ADAMTS17: variants seen among roughly 807,000 people sequenced by gnomAD.
The protein encoded by ADAMTS17 is ADAM metallopeptidase with thrombospondin type 1 motif 17, also known as A disintegrin and metalloproteinase with thrombospondin motifs 17.
Under a neutral mutation model 141.5 loss-of-function variants are expected in ADAMTS17, and 113 were observed. The observed-to-expected ratio is 0.80, with a 90% CI of 0.69 to 0.93. ADAMTS17 has a LOEUF of 0.93. Ranked by LOEUF, ADAMTS17 falls within the 40% of genes least tolerant of loss-of-function variation. The pLI is 0.00. For missense variants in ADAMTS17, 1,659 were observed against 1,517.9 expected (o/e 1.09, Z -1.54); for synonymous variants, 768 against 630.6 (o/e 1.22, Z -3.27).
At chr15:100,285,448 G>T (rs1399070136) in intron 3 of ADAMTS17, among the ~76,000 whole-genome samples, 1 of 152,160 alleles carries the variant, frequency 6.6e-6, no homozygotes, top group Non-Finnish European at 1.5e-5. Flanking sequence ...GTTTAGAAAG[G>T]ATACAGTATC....
intron 3 of ADAMTS17, among the ~76,000 whole-genome samples, chr15:100,322,459 C>G (rs1484286565): frequency 1.3e-5 from 2 of 152,260 alleles, no homozygotes; most frequent in East Asian, 3.9e-4. Flanking sequence ...AAATTAATTG[C>G]CAGCTAAAAT....
intron 12 of ADAMTS17, among the ~76,000 whole-genome samples, chr15:100,121,466 T>C: frequency 6.6e-6 from 1 of 152,072 alleles, no homozygotes; most frequent in Admixed American, 6.5e-5. Context: ...ACATATCCCA[T>C]ACAAGGGATC....
chr15:100,155,091 CCACTT>C (rs2039368964), intron 9 of ADAMTS17, 84 bp downstream of exon 9: 3 of 1,592,858 alleles, frequency 1.9e-6, no homozygotes, highest in South Asian at 2.2e-5. Context: ...AGTCATTTCT[CCACTT>C]CACACTTGCT....
rs1436532905 is a variant in ADAMTS17, at chr15:100,206,677, A to G, written c.1076-7254T>C. Among the ~76,000 whole-genome samples the G allele has an allele frequency of 2.6e-5, 4 of 152,278 alleles. No individual in the cohort carries two copies. In the East Asian group the frequency reaches 5.8e-4, roughly 22 times the overall value. The stretch of plus-strand genomic sequence containing the variant: ...AGAAGAAGTGTGGTATGTTTTGGCT[A>G]AAAATAATCTCCTCCATGTGGGGAA... On this transcript the variant is annotated intron_variant, in intron 7 of 21. Coordinates refer to ENST00000268070, the MANE Select transcript of ADAMTS17 (RefSeq NM_139057.4).
intron 8 of ADAMTS17, among the ~76,000 whole-genome samples, chr15:100,163,076 A>T (rs144419840): frequency 6.0e-5 from 9 of 150,092 alleles, no homozygotes; most frequent in Non-Finnish European, 1.2e-4. Context: ...GTGTATACAT[A>T]TAACTATATA....
intron 18 of ADAMTS17, among the ~76,000 whole-genome samples, chr15:100,022,298 G>A (rs1384865465): frequency 1.3e-5 from 2 of 152,142 alleles, no homozygotes; most frequent in Non-Finnish European, 2.9e-5. Context: ...CTTAGCCACA[G>A]CCCCCACCTC....
At chr15:100,106,022 G>A (rs556191058) in intron 14 of ADAMTS17, among the ~76,000 whole-genome samples, 28 of 151,476 alleles carry the variant, frequency 1.8e-4, no homozygotes, top group African/African-American at 6.8e-4. Flanking sequence ...TTCAAGACAT[G>A]GTCTCACTCT....
At chr15:100,216,710 A>C (rs2041979061) in intron 7 of ADAMTS17, among the ~76,000 whole-genome samples, 1 of 152,198 alleles carries the variant, frequency 6.6e-6, no homozygotes, top group Non-Finnish European at 1.5e-5. Flanking sequence ...CTTTATCCAG[A>C]GGCCTATGGC....
rs537713887 is a variant in ADAMTS17, at chr15:99,989,923, G to T, written c.2949+3125C>A. On this transcript the variant is annotated intron_variant, in intron 20 of 21. Transcript: ENST00000268070. ...ACCTCTAAGCATCTCTGAGAAACAGGCAGGGTCAGTGTTTATGATTCCCAT... is the reference window on the plus strand; with the variant it reads ...ACCTCTAAGCATCTCTGAGAAACAGTCAGGGTCAGTGTTTATGATTCCCAT... Among the ~76,000 whole-genome samples the T allele has an allele frequency of 5.3e-5, 8 of 152,328 alleles. No individual in the cohort carries two copies. In the East Asian group the frequency reaches 1.4e-3, roughly 26 times the overall value.
chr15:100,066,279 T>C (rs2033519254), intron 15 of ADAMTS17, among the ~76,000 whole-genome samples: 2 of 151,294 alleles, frequency 1.3e-5, no homozygotes, highest in African/African-American at 4.9e-5. Context: ...GTGCATCTAC[T>C]GAAATCATCA....
chr15:100,109,085 G>A lies in ADAMTS17; in HGVS notation c.1920C>T (p.Leu640=), dbSNP rs774685890. The A allele has an allele frequency of 2.4e-5, 38 of 1,613,434 alleles. No homozygotes were observed. In the Admixed American group the frequency reaches 2.8e-4, roughly 12 times the overall value. ...CCACCAGCAGTGGGGACTCCTTCCC[G>A]AGGGGCGAGCAGTAGAGTTCACATG... ...DKPCELYCSP[L]GKESPLLVAD... Residue 640 remains leucine (L), a synonymous_variant, in exon 14 of 22, where the codon CTC becomes CTT. Transcript: ENST00000268070.
chr15:100,200,705 G>T (rs1192073696), intron 7 of ADAMTS17, among the ~76,000 whole-genome samples: 2 of 152,180 alleles, frequency 1.3e-5, no homozygotes, highest in African/African-American at 2.4e-5. Flanking sequence ...AGCGCCATGG[G>T]GCGGATGACG....
chr15:100,202,307 ATTTTT>A (rs960478771), intron 7 of ADAMTS17, among the ~76,000 whole-genome samples: 5 of 151,894 alleles, frequency 3.3e-5, no homozygotes, highest in African/African-American at 1.2e-4. Flanking sequence ...GGTGCAGATG[ATTTTT>A]TTTTAACTAG....
At chr15:100,065,106 T>C (rs2141679796) in intron 15 of ADAMTS17, among the ~76,000 whole-genome samples, 1 of 152,308 alleles carries the variant, frequency 6.6e-6, no homozygotes, top group Non-Finnish European at 1.5e-5. Context: ...ATAAAAATAG[T>C]ATACAAAAGT....
At chr15:100,080,443 C>T (rs2034657409) in intron 15 of ADAMTS17, among the ~76,000 whole-genome samples, 1 of 152,144 alleles carries the variant, frequency 6.6e-6, no homozygotes, top group Admixed American at 6.5e-5. Flanking sequence ...CTCTTAGTAT[C>T]ACCATGCCCT....
chr15:100,273,537 G>A (rs556329630), intron 4 of ADAMTS17, among the ~76,000 whole-genome samples: 2 of 152,164 alleles, frequency 1.3e-5, no homozygotes, highest in Admixed American at 6.5e-5. Flanking sequence ...AGAATGGGTC[G>A]TAATGTCCCT....
chr15:100,243,894 A>G lies in ADAMTS17; in HGVS notation c.1075+10242T>C, dbSNP rs537108852. ...ATTAGTCATCCGCTTTAACCCTCACAACAACCCTAGATACTATTATCCCCA... is the reference window on the plus strand; with the variant it reads ...ATTAGTCATCCGCTTTAACCCTCACGACAACCCTAGATACTATTATCCCCA... On this transcript the variant is annotated intron_variant, in intron 7 of 21. Coordinates refer to ENST00000268070, the MANE Select transcript of ADAMTS17 (RefSeq NM_139057.4). Among the ~76,000 whole-genome samples, 24 of 152,170 alleles carry G rather than the reference A, an allele frequency of 1.6e-4. No individual in the cohort carries two copies. The East Asian group carries it at 4.6e-3, about 29-fold the overall frequency.
chr15:100,341,176 G>C lies in ADAMTS17; in HGVS notation c.313C>G (p.Arg105Gly), dbSNP rs1421713385. The C allele has an allele frequency of 1.4e-6, 2 of 1,463,442 alleles. No homozygotes were observed. Among genetic ancestry groups the C allele is most frequent in the Non-Finnish European group, 9.0e-7 (1 of 1,111,846 alleles). The allele number at this position is 1,463,442 out of a possible 1,614,324, so 90.7% of individuals were successfully genotyped here. A position where few individuals can be genotyped will look rare whatever the true frequency, so the allele number is the denominator to read the frequency against. ...CCCGCCTCCTCCACCTCGAAGCCTC[G>C]GGACAGGAAGCGCAGGTCGCGGCGC... ...QLRRDLRFLS[R>G]GFEVEEAGAA... Residue 105 changes from arginine (R) to glycine (G), a missense_variant, in exon 2 of 22, where the codon CGA (arginine) becomes GGA (glycine). Coordinates refer to ENST00000268070, the MANE Select transcript of ADAMTS17 (RefSeq NM_139057.4).
At chr15:100,225,485 G>A (rs1294033686) in intron 7 of ADAMTS17, among the ~76,000 whole-genome samples, 1 of 150,860 alleles carries the variant, frequency 6.6e-6, no homozygotes. Context: ...CAGCAGTCAC[G>A]GTCTCTGTGC....
Sources: gnomAD v4.1 joint callset for allele counts (sites outside exome capture counted in the v4.1 genomes callset) on GRCh38, gnomAD v4.1.1 for gene constraint, MANE v1.5 for transcripts, NCBI Gene and HGNC (gene_info 2026-07-23, HGNC 2026-07-21) for gene names.